COX7B2: variants seen among roughly 807,000 people sequenced by gnomAD.
COX7B2 encodes cytochrome c oxidase subunit 7B2.
For missense variants in COX7B2, 109 were observed against 95.9 expected, an observed-to-expected ratio of 1.14 and a Z score of -0.57; for synonymous variants, 37 against 32.1, an observed-to-expected ratio of 1.15 and a Z score of -0.51.
At chr4:46,844,139 A>T (rs1716116154) in intron 2 of COX7B2, among the ~76,000 whole-genome samples, 1 of 152,010 alleles carries the variant, frequency 6.6e-6, no homozygotes, top group African/African-American at 2.4e-5. Context: ...ATGTCCATGA[A>T]CTTACCAAAA....
At chr4:46,878,543 C>T (rs1039630080) in intron 1 of COX7B2, among the ~76,000 whole-genome samples, 1 of 151,602 alleles carries the variant, frequency 6.6e-6, no homozygotes, top group Admixed American at 6.6e-5. Flanking sequence ...TAAATACATA[C>T]AATAACATGT....
intron 1 of COX7B2, among the ~76,000 whole-genome samples, chr4:46,880,145 C>T (rs949715268): frequency 2.6e-5 from 4 of 152,078 alleles, no homozygotes; most frequent in Non-Finnish European, 5.9e-5. Flanking sequence ...GGTGGCTTAA[C>T]TTTTTGATGT....
At chr4:46,863,519 T>C (rs570828065) in intron 1 of COX7B2, among the ~76,000 whole-genome samples, 4 of 152,318 alleles carry the variant, frequency 2.6e-5, no homozygotes, top group African/African-American at 7.2e-5. Context: ...AGCAAGATCT[T>C]CTTAAGATAT....
At chr4:46,759,807 T>TTATATAAGTTATATAAGTCA (rs201978743) in intron 2 of COX7B2, among the ~76,000 whole-genome samples, 1 of 148,576 alleles carries the variant, frequency 6.7e-6, no homozygotes, top group African/African-American at 2.5e-5. Context: ...AAGTCATATC[T>TTATATAAGTTATATAAGTCA]TATATAAGTT....
Position 46,826,222 on chromosome 4 carries a change from C to T in COX7B2, c.-50+18738G>A, listed in dbSNP as rs561529352. Among the ~76,000 whole-genome samples the T allele has an allele frequency of 1.6e-4, 25 of 152,156 alleles. No homozygotes were observed. The South Asian group carries it at 5.0e-3, about 30-fold the overall frequency. On this transcript the variant is annotated intron_variant, in intron 2 of 2. Coordinates refer to ENST00000355591, the MANE Select transcript of COX7B2 (RefSeq NM_130902.3). ...AAAGTGAGCAAAGAACATGAACAGA[C>T]ACTTTTTTAAAGAAGACATATATGC...
At chr4:46,764,712 G>A (rs2109491171) in intron 2 of COX7B2, among the ~76,000 whole-genome samples, 1 of 149,362 alleles carries the variant, frequency 6.7e-6, no homozygotes, top group East Asian at 2.0e-4. Context: ...ATATTTGCAT[G>A]TGGTTGAAGT....
chr4:46,866,095 G>A (rs1195575308), intron 1 of COX7B2, among the ~76,000 whole-genome samples: 1 of 152,170 alleles, frequency 6.6e-6, no homozygotes, highest in Non-Finnish European at 1.5e-5. Flanking sequence ...TAGTTTCCAA[G>A]TCCCAAGGCT....
At chr4:46,818,363 G>A (rs996628240) in intron 2 of COX7B2, among the ~76,000 whole-genome samples, 1 of 152,136 alleles carries the variant, frequency 6.6e-6, no homozygotes, top group Non-Finnish European at 1.5e-5. Flanking sequence ...GCCGGGCGCC[G>A]TGGCTCACGC....
intron 2 of COX7B2, among the ~76,000 whole-genome samples, chr4:46,838,901 C>T (rs1336140999): frequency 2.7e-5 from 4 of 150,456 alleles, no homozygotes; most frequent in South Asian, 2.1e-4. Context: ...TTTTTAATTT[C>T]AAAATCTGCA....
chr4:46,839,860 T>C (rs1715812109), intron 2 of COX7B2, among the ~76,000 whole-genome samples: 1 of 152,084 alleles, frequency 6.6e-6, no homozygotes, highest in African/African-American at 2.4e-5. Flanking sequence ...GGTCTTAATA[T>C]ATGGTTGTTG....
intron 2 of COX7B2, among the ~76,000 whole-genome samples, chr4:46,800,500 C>A (rs1718600192): frequency 6.6e-6 from 1 of 152,020 alleles, no homozygotes; most frequent in South Asian, 2.1e-4. Context: ...AAAAACAATG[C>A]AGAAAGGGCA....
At chr4:46,830,288 C>A (rs565218948) in intron 2 of COX7B2, among the ~76,000 whole-genome samples, 155 of 139,716 alleles carry the variant, frequency 1.1e-3, no homozygotes, top group African/African-American at 4.0e-3. Flanking sequence ...CATGCCACTG[C>A]ACTCCAGCCT....
chr4:46,781,624 C>G (rs1232923330), intron 2 of COX7B2, among the ~76,000 whole-genome samples: 4 of 152,236 alleles, frequency 2.6e-5, no homozygotes, highest in Non-Finnish European at 4.4e-5. Flanking sequence ...GGGAGCCCCT[C>G]TCTGGGCTGG....
intron 1 of COX7B2, among the ~76,000 whole-genome samples, chr4:46,846,538 C>T (rs773037443): frequency 7.2e-5 from 11 of 151,948 alleles, no homozygotes; most frequent in Non-Finnish European, 1.6e-4. Context: ...GTCAGACATG[C>T]AGTCTTCTGG....
In COX7B2 at chr4:46,838,443, G is replaced by A. The variant is rs748791519; in HGVS notation, c.-50+6517C>T. On this transcript the variant is annotated intron_variant, in intron 2 of 2. Transcript: ENST00000355591. ...CTGTATTAGATGAAGTGTGCAGGCC[G>A]ACTATAGTCACAGAAGCCAGTTTAC... is the stretch of plus-strand genomic sequence containing the variant. Among the ~76,000 whole-genome samples the A allele has an allele frequency of 7.2e-5, 11 of 151,930 alleles. No individual in the cohort carries two copies. The South Asian group carries it at 1.2e-3, about 17-fold the overall frequency.
intron 2 of COX7B2, among the ~76,000 whole-genome samples, chr4:46,830,868 A>G (rs1005270630): frequency 6.6e-6 from 1 of 152,238 alleles, no homozygotes; most frequent in African/African-American, 2.4e-5. Context: ...GTGAGAGGTG[A>G]CAGCATGCTG....
chr4:46,771,582 T>A (rs755821505), intron 2 of COX7B2, among the ~76,000 whole-genome samples: 7 of 152,084 alleles, frequency 4.6e-5, no homozygotes, highest in Admixed American at 1.3e-4. Flanking sequence ...TGCTTTACAG[T>A]TTTGAGTATC....
intron 1 of COX7B2, among the ~76,000 whole-genome samples, chr4:46,891,085 C>T (rs957812206): frequency 2.0e-5 from 3 of 152,078 alleles, no homozygotes; most frequent in African/African-American, 7.2e-5. Context: ...ACAGTTTTGC[C>T]GATGTGGGAT....
chr4:46,746,064 A>G (rs1482186689), intron 2 of COX7B2, among the ~76,000 whole-genome samples: 2 of 152,202 alleles, frequency 1.3e-5, no homozygotes, highest in African/African-American at 4.8e-5. Context: ...GCCACTGTTG[A>G]TAATGGAATG....
Sources: allele counts gnomAD v4.1 joint callset (sites outside exome capture counted in the v4.1 genomes callset), GRCh38; gene constraint gnomAD v4.1.1; transcripts MANE v1.5; gene names NCBI Gene and HGNC (gene_info 2026-07-23, HGNC 2026-07-21).